Variants in NHSL2 observed in about 807,000 individuals in gnomAD.
NHSL2 encodes NHS like 2.
NHSL2 carries 27 observed loss-of-function variants against 53.4 expected under a neutral mutation model. The ratio of observed to expected loss-of-function variants is 0.51; its 90% CI spans 0.37 to 0.70. The LOEUF (loss-of-function observed/expected upper bound fraction) is 0.70. Ranked by LOEUF, NHSL2 falls within the 30% of genes least tolerant of loss-of-function variation. NHSL2 has a pLI of 0.00. For missense variants in NHSL2, 892 were observed against 980.1 expected (o/e 0.91, Z 1.20); for synonymous variants, 408 against 404.1 (o/e 1.01, Z -0.12).
At chrX:72,118,759 C>T (rs1343416198) in intron 1 of NHSL2, among the ~76,000 whole-genome samples, 1 of 112,020 alleles carries the variant, frequency 8.9e-6, no homozygotes, top group Non-Finnish European at 1.9e-5. Context: ...TATTTGTGAA[C>T]AAAAGTTTTT....
At position 72,143,700 on chromosome X, in the gene NHSL2, G is replaced by A; in HGVS notation, c.*126G>A. 4.4e-6 allele frequency: 2 copies of A among 454,628 alleles called. No individual in the cohort carries two copies. The highest frequency in any genetic ancestry group is 7.5e-6 in the Non-Finnish European group (2 of 265,692). The allele number at this position is 454,628 out of a possible 1,213,427, so 37.5% of individuals were successfully genotyped here. On this transcript the variant is annotated 3_prime_UTR_variant, in exon 8 of 8. Coordinates refer to ENST00000633930, the MANE Select transcript of NHSL2 (RefSeq NM_001013627.3). ...TTTCTTTTATATTAACTCACACTCT[G>A]GACAGCAGGAGAGAGGCTACTTCAT... is the stretch of plus-strand genomic sequence containing the variant.
At chrX:71,974,069 C>T (rs751386571) in intron 1 of NHSL2, among the ~76,000 whole-genome samples, 33 of 112,329 alleles carry the variant, frequency 2.9e-4, no homozygotes, top group South Asian at 1.5e-3. Context: ...TGTTTCTCCA[C>T]TTACTGTGTG....
At chrX:72,007,571 G>T (rs1714684866) in intron 1 of NHSL2, among the ~76,000 whole-genome samples, 1 of 113,215 alleles carries the variant, frequency 8.8e-6, no homozygotes, top group Non-Finnish European at 1.9e-5. Context: ...CATGAGAAGA[G>T]AACTAACACA....
chrX:72,101,436 C>A (rs965243462), intron 1 of NHSL2, among the ~76,000 whole-genome samples: 2 of 110,366 alleles, frequency 1.8e-5, no homozygotes, highest in African/African-American at 6.6e-5. Context: ...CCACAGCAGG[C>A]TTGGGTGCTC....
rs1350929311 is a variant in NHSL2 at position 72,137,223 on chromosome X, A to G, written c.890A>G (p.Gln297Arg). 1 of 1,165,313 alleles carries G rather than the reference A, an allele frequency of 8.6e-7. No individual in the cohort carries two copies. Among genetic ancestry groups the G allele is most frequent in the South Asian group, 1.9e-5 (1 of 52,521 alleles). ...IGFSNFSQRDQGHSNSPAGSV... is the reference protein window; with the variant it reads ...IGFSNFSQRDRGHSNSPAGSV... The stretch of plus-strand genomic sequence containing the variant: ...TTCTCTAACTTTTCCCAGCGAGACC[A>G]AGGTGACCCCACCACAGCTGATTCC... The change falls in exon 5 of 8, where the codon CAA becomes CGA. Residue 297 changes from glutamine (Q) to arginine (R), a missense_variant and splice_region_variant. Physicochemically the swap from Gln to Arg is conservative, Grantham distance 43. Coordinates refer to ENST00000633930, the MANE Select transcript of NHSL2 (RefSeq NM_001013627.3).
At chrX:71,911,478 C>T in intron 1 of NHSL2, 111 bp downstream of exon 1, 4 of 681,545 alleles carry the variant, frequency 5.9e-6, no homozygotes, top group African/African-American at 4.6e-5. Flanking sequence ...CCGCCCCTCC[C>T]CTCCCCTCCA....
At chrX:71,969,831 G>T (rs775736332) in intron 1 of NHSL2, among the ~76,000 whole-genome samples, 36 of 111,887 alleles carry the variant, frequency 3.2e-4, no homozygotes, top group Non-Finnish European at 5.1e-4. Flanking sequence ...CTGAACAGAG[G>T]TAGTGAGAAC....
At chrX:71,964,040 T>C (rs1246726522) in intron 1 of NHSL2, among the ~76,000 whole-genome samples, 7 of 43,228 alleles carry the variant, frequency 1.6e-4, no homozygotes, top group East Asian at 5.4e-4. Context: ...TATATATATA[T>C]ATGTATATAT....
At chrX:71,943,028 G>T (rs1002448278) in intron 1 of NHSL2, among the ~76,000 whole-genome samples, 1 of 101,775 alleles carries the variant, frequency 9.8e-6, no homozygotes, top group Non-Finnish European at 2.0e-5. Flanking sequence ...CTGGTGATTG[G>T]TAATATCCCT....
chrX:71,992,532 G>A (rs2042031875), intron 1 of NHSL2, among the ~76,000 whole-genome samples: 1 of 112,339 alleles, frequency 8.9e-6, no homozygotes, highest in African/African-American at 3.2e-5. Flanking sequence ...GGAACTCAGG[G>A]AGACAAAGCC....
intron 1 of NHSL2, among the ~76,000 whole-genome samples, chrX:71,996,440 T>C (rs2042050640): frequency 8.9e-6 from 1 of 112,246 alleles, no homozygotes; most frequent in Non-Finnish European, 1.9e-5. Context: ...TGGGATAGCA[T>C]CCACCCCATT....
At chrX:71,914,794 G>T (rs1333963329) in intron 1 of NHSL2, among the ~76,000 whole-genome samples, 2 of 111,688 alleles carry the variant, frequency 1.8e-5, no homozygotes, top group Non-Finnish European at 3.8e-5. Context: ...GCCATTAGAT[G>T]AGGTGTTGTG....
chrX:72,044,544 G>A, intron 1 of NHSL2: 1 of 727,084 alleles, frequency 1.4e-6, no homozygotes, highest in Non-Finnish European at 2.1e-6. Flanking sequence ...ATGCCTCCAA[G>A]ATGACAAAGA....
At chrX:71,956,558 T>TA (rs1325561234) in intron 1 of NHSL2, among the ~76,000 whole-genome samples, 1 of 111,348 alleles carries the variant, frequency 9.0e-6, no homozygotes, top group Non-Finnish European at 1.9e-5. Flanking sequence ...CAGCAATTTT[T>TA]AAAAAACATA....
At chrX:72,052,456 C>T (rs748873345) in intron 1 of NHSL2, among the ~76,000 whole-genome samples, 41 of 112,576 alleles carry the variant, frequency 3.6e-4, no homozygotes, top group Non-Finnish European at 6.4e-4. Flanking sequence ...AGGCCAGGAG[C>T]CTGTGACCTT....
chrX:72,061,412 G>A, intron 1 of NHSL2, among the ~76,000 whole-genome samples: 1 of 111,885 alleles, frequency 8.9e-6, no homozygotes, highest in East Asian at 2.8e-4. Flanking sequence ...TTTCTCATAC[G>A]TGCAATGGGG....
At chrX:72,004,785 C>T (rs1459337023) in intron 1 of NHSL2, among the ~76,000 whole-genome samples, 1 of 107,301 alleles carries the variant, frequency 9.3e-6, no homozygotes, top group Non-Finnish European at 1.9e-5. Context: ...CCCACCCCCA[C>T]CTTCCGCTCC....
At chrX:71,947,562 A>G (rs1602272970) in intron 1 of NHSL2, among the ~76,000 whole-genome samples, 1 of 111,951 alleles carries the variant, frequency 8.9e-6, no homozygotes, top group East Asian at 2.8e-4. Context: ...AAGTTAGGAG[A>G]CTAGTATTCA....
chrX:71,965,976 A>G lies in NHSL2; in HGVS notation c.280+54609A>G, dbSNP rs1047247997. The G allele has an allele frequency of 2.2e-4, 25 of 112,923 alleles. No homozygotes were observed. The Admixed American group carries it at 2.2e-3, about 10-fold the overall frequency. The allele number at this position is 112,923 out of a possible 1,213,427, so 9.3% of individuals were successfully genotyped here. A position where few individuals can be genotyped will look rare whatever the true frequency, so the allele number is the denominator to read the frequency against. Reference sequence around the variant, plus strand: ...AGTTTGAGATAAATATACACCAAACATATGGAATGCTTCGCAAATTTGCAT... The same window carrying G: ...AGTTTGAGATAAATATACACCAAACGTATGGAATGCTTCGCAAATTTGCAT... On this transcript the variant is annotated intron_variant, in intron 1 of 7. Coordinates refer to ENST00000633930, the MANE Select transcript of NHSL2 (RefSeq NM_001013627.3).
Sources: allele counts gnomAD v4.1 joint callset (sites outside exome capture counted in the v4.1 genomes callset), GRCh38; gene constraint gnomAD v4.1.1; transcripts MANE v1.5; gene names NCBI Gene and HGNC (gene_info 2026-07-23, HGNC 2026-07-21).